Variants in NAV3 observed in about 807,000 individuals in gnomAD.
NAV3 encodes the protein pore membrane and/or filament interacting like protein 1.
In NAV3, 87 loss-of-function variants were observed where a neutral mutation model predicts 244.7. That is an observed-to-expected ratio of 0.36 (90% CI 0.30 to 0.42). The LOEUF is 0.42. NAV3 is among the 20% of genes least tolerant of loss of function. The pLI, the probability that NAV3 is intolerant of heterozygous loss-of-function variation, is 1.00. For synonymous variants in NAV3, 1,126 were observed against 1,042.2 expected (o/e 1.08, Z -1.55); for missense variants, 2,663 against 2,893.3 (o/e 0.92, Z 1.83).
chr12:77,919,097 G>C (rs993283903), intron 1 of NAV3, among the ~76,000 whole-genome samples: 1 of 151,970 alleles, frequency 6.6e-6, no homozygotes, highest in African/African-American at 2.4e-5. Context: ...ACAAGATAGA[G>C]GAAGAATTAG....
Position 77,840,155 on chromosome 12 carries a change from A to G in NAV3, c.243+8451A>G, listed in dbSNP as rs73420757. ...AAAAGAACATTTTATATGGAATAGC[A>G]TTTACCAGGCTATGAAATAGTGTGT... On this transcript the variant is annotated intron_variant, in intron 1 of 39. Coordinates refer to ENST00000397909, the MANE Select transcript of NAV3 (RefSeq NM_001024383.2). Among the ~76,000 whole-genome samples the G allele has an allele frequency of 6.7e-4, 102 of 152,296 alleles. 1 individual carries two copies. The highest frequency in any genetic ancestry group is 2.1e-3 in the African/African-American group (86 of 41,566).
chr12:77,986,316 C>T (rs183813175), intron 5 of NAV3, among the ~76,000 whole-genome samples: 50 of 152,202 alleles, frequency 3.3e-4, no homozygotes, highest in African/African-American at 1.2e-3. Context: ...GAGCCGAGAT[C>T]GTGCCACTGC....
intron 28 of NAV3, among the ~76,000 whole-genome samples, 158 bp downstream of exon 28, chr12:78,177,843 T>A (rs1205549210): frequency 6.6e-6 from 1 of 152,098 alleles, no homozygotes; most frequent in Non-Finnish European, 1.5e-5. Flanking sequence ...AAAATCAACC[T>A]GCAATCCAGT....
chr12:77,719,987 C>T (rs1345381962), intron 2 of NAV3, among the ~76,000 whole-genome samples: 1 of 152,036 alleles, frequency 6.6e-6, no homozygotes, highest in African/African-American at 2.4e-5. Context: ...TAACTAGTTA[C>T]AGATGTTTGG....
chr12:78,197,623 A>G (rs1959196224), intron 35 of NAV3, among the ~76,000 whole-genome samples: 1 of 151,900 alleles, frequency 6.6e-6, no homozygotes. Flanking sequence ...GAACTACCTC[A>G]GTAGTTATTA....
In NAV3 at chr12:78,007,188, G is replaced by A. The variant is rs779166824; in HGVS notation, c.1650G>A (p.Glu550=). 6.2e-7 allele frequency: 1 copy of A among 1,614,188 alleles called. No individual in the cohort carries two copies. The highest frequency in any genetic ancestry group is 8.5e-7 in the Non-Finnish European group (1 of 1,180,040). The change falls in exon 8 of 40, where the codon GAG becomes GAA. Residue 550 remains glutamate, a synonymous_variant. Transcript: ENST00000397909. ...TISPGSTASK[E]SEKFRTTKGS... ...CACCTGGCAGCACAGCAAGCAAAGA[G>A]TCTGAGAAATTCAGGACTACCAAGG...
At chr12:77,973,283 A>C (rs1353205796) in intron 5 of NAV3, among the ~76,000 whole-genome samples, 1 of 152,198 alleles carries the variant, frequency 6.6e-6, no homozygotes, top group Non-Finnish European at 1.5e-5. Context: ...AAAGAAGAAA[A>C]TTGAATGTGA....
rs60904148 is a variant in NAV3 at position 77,697,340 on chromosome 12, C to A, written c.72+125074C>A. Among the ~76,000 whole-genome samples, 162 of 152,244 alleles carry A rather than the reference C, an allele frequency of 1.1e-3. 1 individual carries two copies. Among genetic ancestry groups the A allele is most frequent in the African/African-American group, 3.5e-3 (144 of 41,562 alleles). The stretch of plus-strand genomic sequence containing the variant: ...AGTGATGGGCAGGTCAAAATGGCTT[C>A]AACTAACTGCCTAAGCACAGTGGCT... On this transcript the variant is annotated intron_variant, in intron 2 of 8. Transcript: ENST00000550042.
intron 29 of NAV3, 90 bp from the exon 30 acceptor site, chr12:78,180,781 A>C (rs908292052): frequency 9.9e-7 from 1 of 1,007,056 alleles, no homozygotes; most frequent in Middle Eastern, 2.4e-4. Flanking sequence ...TTATTTAACA[A>C]ACAAGCTAAT....
intron 12 of NAV3, among the ~76,000 whole-genome samples, chr12:78,090,143 C>T (rs1256542315): frequency 6.6e-6 from 1 of 151,072 alleles, no homozygotes; most frequent in Non-Finnish European, 1.5e-5. Flanking sequence ...GGCTTCCTCC[C>T]CCTGCCCAAA....
intron 12 of NAV3, among the ~76,000 whole-genome samples, chr12:78,061,166 G>A (rs1884269477): frequency 6.6e-6 from 1 of 152,128 alleles, no homozygotes. Context: ...TCAAGGTAAG[G>A]CCTGGTAATC....
rs564089087 is a variant in NAV3 at position 77,775,120 on chromosome 12, G to C, written c.73-165199G>C. On this transcript the variant is annotated intron_variant, in intron 2 of 8. Transcript: ENST00000550042. ...AAAGTGTGTCATTTTGGCTGGGTGC[G>C]GTGGCTCATACCTGTAATCCCAGCA... Among the ~76,000 whole-genome samples the C allele has an allele frequency of 4.6e-5, 7 of 152,050 alleles. No individual in the cohort carries two copies. In the South Asian group the frequency reaches 1.0e-3, roughly 23 times the overall value.
chr12:78,190,555 A>G (rs1219231961), intron 34 of NAV3, among the ~76,000 whole-genome samples: 1 of 152,058 alleles, frequency 6.6e-6, no homozygotes, highest in Admixed American at 6.6e-5. Context: ...AGGAAGAATA[A>G]CTTTTCTTGG....
Position 78,137,255 on chromosome 12 carries a change from C to T in NAV3, c.4520C>T (p.Ser1507Phe). 1 of 1,613,810 alleles carries T rather than the reference C, an allele frequency of 6.2e-7. No individual in the cohort carries two copies. The highest frequency in any genetic ancestry group is 2.2e-5 in the East Asian group (1 of 44,876). Residue 1507 changes from serine (S) to phenylalanine (F), a missense_variant, in exon 19 of 40, where the codon TCT (serine) becomes TTT (phenylalanine). By Grantham distance (155) the Ser-to-Phe change is radical (BLOSUM62 -2). Coordinates refer to ENST00000397909, the MANE Select transcript of NAV3 (RefSeq NM_001024383.2). ...MRSNSIPAQD[S>F]SFDLYDDSQL... Reference sequence around the variant, plus strand: ...TCAAACAGCATCCCAGCCCAAGACTCTTCCTTCGATCTCTATGATGACTCC... The same window carrying T: ...TCAAACAGCATCCCAGCCCAAGACTTTTCCTTCGATCTCTATGATGACTCC...
rs147532620 is a variant in NAV3 at position 77,818,779 on chromosome 12, A to G, written c.73-121540A>G. ...GTCGATTCTGCATTTGAGGAAATCA[A>G]TTTTTGTTCTTTCTATTCCAGAAAT... On this transcript the variant is annotated intron_variant, in intron 2 of 8. Transcript: ENST00000550042. 5.9e-5 allele frequency among the ~76,000 whole-genome samples: 9 copies of G among 152,184 alleles called. No individual in the cohort carries two copies. In the East Asian group the frequency reaches 1.7e-3, roughly 29 times the overall value.
At chr12:78,103,606 C>T (rs1233997273) in intron 12 of NAV3, among the ~76,000 whole-genome samples, 1 of 152,112 alleles carries the variant, frequency 6.6e-6, no homozygotes, top group African/African-American at 2.4e-5. Context: ...ATACCCAAGA[C>T]TGGAAAGAAA....
At chr12:78,045,998 A>C (rs1244982891) in intron 9 of NAV3, among the ~76,000 whole-genome samples, 1 of 152,180 alleles carries the variant, frequency 6.6e-6, no homozygotes, top group Non-Finnish European at 1.5e-5. Context: ...CATTTCTTCT[A>C]GATTTTCTAG....
chr12:77,775,902 C>T (rs1870330606), intron 2 of NAV3: 1 of 152,226 alleles, frequency 6.6e-6, no homozygotes, highest in Non-Finnish European at 1.5e-5. Context: ...CCTTTGTGTA[C>T]ATGCATGATT....
intron 24 of NAV3, among the ~76,000 whole-genome samples, chr12:78,174,630 G>A (rs1164611033): frequency 6.6e-6 from 1 of 151,908 alleles, no homozygotes; most frequent in Non-Finnish European, 1.5e-5. Flanking sequence ...AATAAGTCAT[G>A]GGCAGGCAGT....
Sources: allele counts gnomAD v4.1 joint callset (sites outside exome capture counted in the v4.1 genomes callset), GRCh38; gene constraint gnomAD v4.1.1; transcripts MANE v1.5; gene names NCBI Gene and HGNC (gene_info 2026-07-23, HGNC 2026-07-21).